BCL11A: variants seen among roughly 807,000 people sequenced by gnomAD.
BCL11A encodes the protein B cell CLL/lymphoma 11A.
BCL11A carries 2 observed loss-of-function variants against 55.9 expected under a neutral mutation model. That is an observed-to-expected ratio of 0.04 (90% confidence interval 0.01 to 0.11). The LOEUF (loss-of-function observed/expected upper bound fraction) is 0.11. BCL11A is among the 10% of genes least tolerant of loss of function. The pLI is 1.00. For missense variants in BCL11A, 817 were observed against 1,137.1 expected (o/e 0.72, Z 4.05); for synonymous variants, 465 against 473.4 (o/e 0.98, Z 0.23).
Position 60,515,126 on chromosome 2 carries a change from C to T in BCL11A, c.385+30845G>A, listed in dbSNP as rs545483443. ...CCTCCCCCACGTGCTCCTTCCCCAACACTGGCTTCCAGGTGAGCGAGACAG... is the reference window on the plus strand; with the variant it reads ...CCTCCCCCACGTGCTCCTTCCCCAATACTGGCTTCCAGGTGAGCGAGACAG... On this transcript the variant is annotated intron_variant, in intron 2 of 3. Transcript: ENST00000642384. Among the ~76,000 whole-genome samples the T allele has an allele frequency of 3.3e-5, 5 of 152,344 alleles. No homozygotes were observed. The East Asian group carries it at 9.7e-4, about 29-fold the overall frequency.
At chr2:60,475,794 C>T (rs1256031959) in intron 2 of BCL11A, among the ~76,000 whole-genome samples, 3 of 152,126 alleles carry the variant, frequency 2.0e-5, no homozygotes, top group Admixed American at 2.0e-4. Context: ...GAGCTACTTT[C>T]AGAGATGCCC....
intron 3 of BCL11A, among the ~76,000 whole-genome samples, chr2:60,462,927 G>A (rs1464961863): frequency 6.6e-6 from 1 of 152,138 alleles, no homozygotes; most frequent in Non-Finnish European, 1.5e-5. Flanking sequence ...ATTTCATAGA[G>A]GTATCAAAAA....
At chr2:60,499,950 G>A (rs1679187390) in intron 2 of BCL11A, 1 of 152,584 alleles carries the variant, frequency 6.6e-6, no homozygotes, top group Admixed American at 6.5e-5. Context: ...GCTCCTCCCA[G>A]GCAGGCCAGC....
At chr2:60,451,721 C>T (rs1006174829) in exon 5 of BCL11A, 1 of 230,120 alleles carries the variant, frequency 4.3e-6, no homozygotes, top group Non-Finnish European at 8.6e-6. Context: ...TTAGGATTTA[C>T]CGCTCGCCCA....
rs1670180777 is a variant in BCL11A at position 60,546,845 on chromosome 2, A to C, written c.56-545T>G. The stretch of plus-strand genomic sequence containing the variant: ...CCTAAGTAAACAGACATGGCTTCAT[A>C]AATTAGAAAGCTACTATGTCACATG... On this transcript the variant is annotated intron_variant, in intron 1 of 3. Transcript: ENST00000642384. This position sits in a 1 kb window ranked among gnomAD's most constrained non-coding sequence, Gnocchi z 4.1. Among the ~76,000 whole-genome samples the C allele has an allele frequency of 6.6e-6, 1 of 152,252 alleles. No individual in the cohort carries two copies. Among genetic ancestry groups the C allele is most frequent in the African/African-American group, 2.4e-5 (1 of 41,462 alleles).
rs1413570447 is a variant in BCL11A at position 60,460,438 on chromosome 2, T to C, written c.2474A>G (p.Asp825Gly). 1.9e-6 allele frequency: 3 copies of C among 1,606,796 alleles called. No individual in the cohort carries two copies. The highest frequency in any genetic ancestry group is 1.7e-6 in the Non-Finnish European group (2 of 1,174,024). Reference sequence around the variant, plus strand: ...TTTTATATCATTATTCAACACTCGATCACTGTGCCATTTTTTCATGTGTTT... The same window carrying C: ...TTTTATATCATTATTCAACACTCGACCACTGTGCCATTTTTTCATGTGTTT... ...LEKHMKKWHS[D>G]RVLNNDIKTE The change falls in exon 4 of 4, where the codon GAT becomes GGT. Residue 825 changes from aspartate (D) to glycine (G), a missense_variant. By Grantham distance (94) the Asp-to-Gly change is moderately conservative (BLOSUM62 -1). This residue lies in a region of BCL11A where 30 missense variants were observed against 116.3 expected (regional missense o/e 0.26). Transcript: ENST00000642384.
At chr2:60,513,275 C>T (rs144878283) in intron 2 of BCL11A, among the ~76,000 whole-genome samples, 198 of 152,282 alleles carry the variant, frequency 1.3e-3, no homozygotes, top group African/African-American at 4.3e-3. Context: ...GCAGCTGACA[C>T]GGCTCCAAGA....
chr2:60,489,475 C>T (rs546897551), intron 2 of BCL11A, among the ~76,000 whole-genome samples: 13 of 152,346 alleles, frequency 8.5e-5, no homozygotes, highest in African/African-American at 3.1e-4. Flanking sequence ...ATTAAAATAG[C>T]TGCCTCATCA....
In BCL11A at chr2:60,459,271, A is replaced by T. The variant is rs1327285934; in HGVS notation, c.*1133T>A. ...ATCTGGATCTATTTCTTTTGGTGCC[A>T]GTATTTTTAAAAAGACATTATTAAA... On this transcript the variant is annotated 3_prime_UTR_variant, in exon 4 of 4. Transcript: ENST00000642384. 2.3e-5 allele frequency: 23 copies of T among 1,017,428 alleles called. No homozygotes were observed. Among genetic ancestry groups the T allele is most frequent in the Non-Finnish European group, 2.7e-5 (23 of 848,126 alleles). 63.0% of individuals were successfully genotyped at this position (1,017,428 alleles called of 1,614,324 possible).
intron 2 of BCL11A, among the ~76,000 whole-genome samples, chr2:60,530,858 A>C (rs1483713021): frequency 6.6e-6 from 1 of 151,454 alleles, no homozygotes; most frequent in Non-Finnish European, 1.5e-5. Flanking sequence ...CTGTTCTCCT[A>C]CCTCTTTCGA....
intron 3 of BCL11A, among the ~76,000 whole-genome samples, chr2:60,464,072 C>T (rs915717204): frequency 6.6e-5 from 10 of 152,190 alleles, no homozygotes; most frequent in African/African-American, 1.9e-4. Flanking sequence ...AAGCCAGCCT[C>T]GCTCAAGCAC....
At chr2:60,481,804 C>A (rs1477100401) in intron 2 of BCL11A, among the ~76,000 whole-genome samples, 1 of 152,146 alleles carries the variant, frequency 6.6e-6, no homozygotes, top group Non-Finnish European at 1.5e-5. Context: ...GGTGGGAGAG[C>A]CTTTTGACCA....
rs568369582 is a variant in BCL11A at position 60,510,944 on chromosome 2, C to T, written c.385+35027G>A. ...TTGACAGGAGCCAGTTAAAACCAAA[C>T]GAAAGTCTTTCCTAAGGCTTAGGTG... On this transcript the variant is annotated intron_variant, in intron 2 of 3. Coordinates refer to ENST00000642384, the MANE Select transcript of BCL11A (RefSeq NM_022893.4). 2.1e-3 allele frequency among the ~76,000 whole-genome samples: 327 copies of T among 152,212 alleles called. 4 individuals are homozygous for T. Among genetic ancestry groups the T allele is most frequent in the Non-Finnish European group, 2.3e-3 (158 of 68,024 alleles).
intron 1 of BCL11A, among the ~76,000 whole-genome samples, chr2:60,550,231 T>G (rs867649311): frequency 6.6e-6 from 1 of 152,138 alleles, no homozygotes; most frequent in African/African-American, 2.4e-5. Flanking sequence ...AACTGCACCG[T>G]GCTCCGAGCC....
chr2:60,497,406 C>A (rs1679014036), intron 2 of BCL11A, among the ~76,000 whole-genome samples: 1 of 152,172 alleles, frequency 6.6e-6, no homozygotes, highest in African/African-American at 2.4e-5. Flanking sequence ...GTTAATCAAT[C>A]CCTAGAAACT....
In BCL11A at chr2:60,459,270, C is replaced by T; in HGVS notation, c.*1134G>A. 1 of 1,017,426 alleles carries T rather than the reference C, an allele frequency of 9.8e-7. No individual in the cohort carries two copies. 63.0% of individuals were successfully genotyped at this position (1,017,426 alleles called of 1,614,324 possible). A position where few individuals can be genotyped will look rare whatever the true frequency, so the allele number is the denominator to read the frequency against. On this transcript the variant is annotated 3_prime_UTR_variant, in exon 4 of 4. Coordinates refer to ENST00000642384, the MANE Select transcript of BCL11A (RefSeq NM_022893.4). Reference sequence around the variant, plus strand: ...GATCTGGATCTATTTCTTTTGGTGCCAGTATTTTTAAAAAGACATTATTAA... The same window carrying T: ...GATCTGGATCTATTTCTTTTGGTGCTAGTATTTTTAAAAAGACATTATTAA...
chr2:60,531,268 C>T (rs554554777), intron 2 of BCL11A, among the ~76,000 whole-genome samples: 28 of 152,278 alleles, frequency 1.8e-4, no homozygotes, highest in African/African-American at 6.5e-4. Context: ...CCGTTGGACC[C>T]ACAGAATCTT....
rs1670165237 is a variant in BCL11A, at chr2:60,546,483, A to G, written c.56-183T>C. ...AGGATGTGAAGGTTATCAACCAGAG[A>G]GCAAATTTGTCAATGAGGCAAATCA... On this transcript the variant is annotated intron_variant, in intron 1 of 3. Coordinates refer to ENST00000642384, the MANE Select transcript of BCL11A (RefSeq NM_022893.4). The surrounding 1 kb of genome is among the most constrained non-coding windows in gnomAD (Gnocchi z 4.1). 2 of 606,198 alleles carry G rather than the reference A, an allele frequency of 3.3e-6. No homozygotes were observed. Among genetic ancestry groups the G allele is most frequent in the East Asian group, 5.6e-5 (2 of 35,674 alleles). The allele number at this position is 606,198 out of a possible 1,614,324, so 37.6% of individuals were successfully genotyped here.
chr2:60,536,691 C>CA (rs1669684132), intron 2 of BCL11A: 1 of 152,214 alleles, frequency 6.6e-6, no homozygotes, highest in South Asian at 2.1e-4. Flanking sequence ...TGCCACCCCC[C>CA]TGCTGGCAAC....
Sources: allele counts gnomAD v4.1 joint callset (sites outside exome capture counted in the v4.1 genomes callset), GRCh38; gene constraint gnomAD v4.1.1; regional missense constraint gnomAD v4.1.1; non-coding constraint Gnocchi (gnomAD v3.1); transcripts MANE v1.5; gene names NCBI Gene and HGNC (gene_info 2026-07-23, HGNC 2026-07-21).